The following FAM117B variants were observed in gnomAD, a reference collection of about 807,000 sequenced individuals.
FAM117B encodes protein FAM117B.
Under a neutral mutation model 52.8 loss-of-function variants are expected in FAM117B, and 22 were observed. The ratio of observed to expected loss-of-function variants is 0.42; its 90% CI spans 0.30 to 0.59. The LOEUF (loss-of-function observed/expected upper bound fraction) is 0.59, where lower values mean the gene tolerates loss of function less well. FAM117B is among the 20% of genes least tolerant of loss of function. FAM117B has a pLI of 0.22. For synonymous variants in FAM117B, 309 were observed against 324.1 expected, an observed-to-expected ratio of 0.95 and a Z score of 0.50; for missense variants, 678 against 802.6, an observed-to-expected ratio of 0.84 and a Z score of 1.88.
At chr2:202,647,292 C>G (rs931009821) in intron 1 of FAM117B, among the ~76,000 whole-genome samples, 2 of 152,198 alleles carry the variant, frequency 1.3e-5, no homozygotes, top group African/African-American at 4.8e-5. Context: ...TTTTCTGTAA[C>G]AAGATCTGTG....
chr2:202,663,751 G>A (rs1690164296), intron 1 of FAM117B, among the ~76,000 whole-genome samples: 2 of 151,894 alleles, frequency 1.3e-5, no homozygotes, highest in African/African-American at 4.8e-5. Context: ...ACCCAGCTAA[G>A]TTTTGTATTT....
chr2:202,666,296 G>C (rs762664587), intron 1 of FAM117B, among the ~76,000 whole-genome samples: 1 of 151,834 alleles, frequency 6.6e-6, no homozygotes, highest in Non-Finnish European at 1.5e-5. Flanking sequence ...AATAGAAACA[G>C]TTTACCTATG....
At chr2:202,656,919 T>C (rs1559095731) in intron 1 of FAM117B, among the ~76,000 whole-genome samples, 1 of 152,172 alleles carries the variant, frequency 6.6e-6, no homozygotes, top group African/African-American at 2.4e-5. Flanking sequence ...CATTTTACTG[T>C]ATAATTTCCC....
Position 202,755,532 on chromosome 2 carries a change from C to G in FAM117B, c.961-6C>G, listed in dbSNP as rs1691788188. On this transcript the variant is annotated splice_region_variant and splice_polypyrimidine_tract_variant and intron_variant, in intron 4 of 7. Transcript: ENST00000392238. ...AAGCCTCTCTTCTCCATCCCATTTT[C>G]TTAAGGCTCCTGTTCCAAAGAGTGC... 1 of 1,612,896 alleles carries G rather than the reference C, an allele frequency of 6.2e-7. No homozygotes were observed. The highest frequency in any genetic ancestry group is 1.1e-5 in the South Asian group (1 of 90,824).
chr2:202,735,525 T>C (rs1691425026), intron 4 of FAM117B, among the ~76,000 whole-genome samples: 1 of 152,182 alleles, frequency 6.6e-6, no homozygotes, highest in South Asian at 2.1e-4. Context: ...GGGGAGATTA[T>C]TCATTAGGAA....
intron 2 of FAM117B, among the ~76,000 whole-genome samples, chr2:202,704,328 T>G (rs1409269438): frequency 6.6e-6 from 1 of 152,204 alleles, no homozygotes; most frequent in Non-Finnish European, 1.5e-5. Context: ...AAGGATGGAA[T>G]GTAGGTTTTA....
chr2:202,720,329 C>CA (rs528702467), intron 2 of FAM117B, among the ~76,000 whole-genome samples: 275 of 141,796 alleles, frequency 1.9e-3, no homozygotes, highest in South Asian at 5.1e-3. Context: ...GTTAAATATA[C>CA]AAAAAAAAAA....
intron 1 of FAM117B, among the ~76,000 whole-genome samples, chr2:202,654,538 AATGAT>A (rs1690024104): frequency 6.6e-6 from 1 of 152,134 alleles, no homozygotes; most frequent in Non-Finnish European, 1.5e-5. Context: ...TATTTCTAGT[AATGAT>A]ATTATGTTGA....
intron 2 of FAM117B, among the ~76,000 whole-genome samples, chr2:202,702,639 C>T (rs1426073663): frequency 2.6e-5 from 4 of 151,952 alleles, no homozygotes; most frequent in African/African-American, 4.8e-5. Flanking sequence ...ATGCAAACTC[C>T]GCCTCCCAGG....
At chr2:202,674,879 G>A (rs576876581) in intron 1 of FAM117B, among the ~76,000 whole-genome samples, 4 of 152,000 alleles carry the variant, frequency 2.6e-5, no homozygotes, top group East Asian at 1.9e-4. Context: ...GCTATAATTC[G>A]CCATTTTGCT....
intron 1 of FAM117B, among the ~76,000 whole-genome samples, chr2:202,642,085 C>T (rs1689778606): frequency 6.7e-6 from 1 of 150,110 alleles, no homozygotes; most frequent in Non-Finnish European, 1.5e-5. Context: ...TGGACTACAG[C>T]CGTGTGCCAC....
In FAM117B at chr2:202,635,489, C is replaced by G. The variant is rs1293202574; in HGVS notation, c.302C>G (p.Ala101Gly). ...AGCCCCACGCGCGGCGGCGGGAACG[C>G]GGCCGCGCGCACCAGCCCCACGGTG... ...STSPTRGGGN[A>G]AARTSPTVAT... Residue 101 changes from alanine to glycine, a missense_variant, in exon 1 of 8, where the codon GCG (alanine) becomes GGG (glycine). Physicochemically the swap from Ala to Gly is moderately conservative, Grantham distance 60. This residue lies in a region of FAM117B where 583 missense variants were observed against 644.8 expected (regional missense o/e 0.90). Coordinates refer to ENST00000392238, the MANE Select transcript of FAM117B (RefSeq NM_173511.4). The G allele has an allele frequency of 9.6e-7, 1 of 1,039,220 alleles. No individual in the cohort carries two copies. Among genetic ancestry groups the G allele is most frequent in the Non-Finnish European group, 1.2e-6 (1 of 867,990 alleles). 64.4% of individuals were successfully genotyped at this position (1,039,220 alleles called of 1,614,324 possible).
intron 1 of FAM117B, among the ~76,000 whole-genome samples, chr2:202,675,303 G>A (rs1403594807): frequency 1.3e-5 from 2 of 151,746 alleles, no homozygotes; most frequent in East Asian, 1.9e-4. Flanking sequence ...AAAATTAGCC[G>A]GGTGTGGTGG....
intron 1 of FAM117B, among the ~76,000 whole-genome samples, chr2:202,640,340 A>G (rs80307929): frequency 0.015 from 1,539 of 105,526 alleles, 85 homozygotes; most frequent in African/African-American, 0.063. Flanking sequence ...ATATATATAT[A>G]TATGGCAAGT....
At chr2:202,679,006 A>G (rs1690423812) in intron 1 of FAM117B, among the ~76,000 whole-genome samples, 1 of 152,286 alleles carries the variant, frequency 6.6e-6, no homozygotes, top group Non-Finnish European at 1.5e-5. Context: ...TTTCCTCTCT[A>G]TCTGCCTAAA....
chr2:202,691,806 C>T (rs767874303), intron 1 of FAM117B, among the ~76,000 whole-genome samples: 39 of 152,070 alleles, frequency 2.6e-4, no homozygotes, highest in Admixed American at 8.5e-4. Context: ...ATATTTATTG[C>T]GTTTCACTTG....
chr2:202,729,028 G>T (rs943949578), intron 4 of FAM117B, among the ~76,000 whole-genome samples: 1 of 152,092 alleles, frequency 6.6e-6, no homozygotes, highest in Non-Finnish European at 1.5e-5. Flanking sequence ...AATGACAGTA[G>T]TACTCATGTT....
chr2:202,768,568 C>T lies in FAM117B; in HGVS notation c.*2804C>T, dbSNP rs1023984924. 6.6e-6 allele frequency: 1 copy of T among 152,306 alleles called. No individual in the cohort carries two copies. Among genetic ancestry groups the T allele is most frequent in the African/African-American group, 2.4e-5 (1 of 41,374 alleles). 9.4% of individuals were successfully genotyped at this position (152,306 alleles called of 1,614,324 possible). A position where few individuals can be genotyped will look rare whatever the true frequency, so the allele number is the denominator to read the frequency against. On this transcript the variant is annotated 3_prime_UTR_variant, in exon 8 of 8. Transcript: ENST00000392238. ...ACCACAGTCTTGAAAAAAATATTAA[C>T]CATAGGTTCATTCAGCTGTTTTATT...
intron 4 of FAM117B, among the ~76,000 whole-genome samples, chr2:202,738,619 C>T (rs940870004): frequency 2.6e-5 from 4 of 152,146 alleles, no homozygotes; most frequent in African/African-American, 9.7e-5. Flanking sequence ...CATACTCTCA[C>T]TGTATAGGGA....
Sources: gnomAD v4.1 joint callset for allele counts (sites outside exome capture counted in the v4.1 genomes callset) on GRCh38, gnomAD v4.1.1 for gene constraint, gnomAD v4.1.1 regional missense constraint, MANE v1.5 for transcripts, NCBI Gene and HGNC (gene_info 2026-07-23, HGNC 2026-07-21) for gene names.